Variants in NUP160 observed in about 807,000 individuals in gnomAD.
The protein encoded by NUP160 is nucleoporin 160, also known as nuclear pore complex protein Nup160.
A neutral mutation model predicts 196.9 loss-of-function variants in NUP160; 94 were observed. The observed-to-expected ratio is 0.48, with a 90% confidence interval of 0.40 to 0.57. The LOEUF (loss-of-function observed/expected upper bound fraction) is 0.57, where lower values mean the gene tolerates loss of function less well. Among genes scored for constraint, NUP160 ranks in the 20% least tolerant of loss-of-function variants. NUP160 has a pLI of 0.00. For missense variants in NUP160, 1,638 were observed against 1,748.3 expected, an observed-to-expected ratio of 0.94 and a Z score of 1.13; for synonymous variants, 605 against 619.7, an observed-to-expected ratio of 0.98 and a Z score of 0.35.
At chr11:47,838,436 C>T (rs1366863282) in intron 4 of NUP160, among the ~76,000 whole-genome samples, 9 of 152,030 alleles carry the variant, frequency 5.9e-5, no homozygotes, top group Admixed American at 2.6e-4. Context: ...GGCCAGGTGC[C>T]GTGGCTCACA....
At chr11:47,840,469 G>A (rs1852273554) in exon 3 of NUP160, 1 of 1,614,128 alleles carries the variant, frequency 6.2e-7, no homozygotes, top group East Asian at 2.2e-5. Context: ...CTGAGTCTCA[G>A]AGACATAAAC....
chr11:47,837,678 G>A (rs978451420), intron 4 of NUP160, 55 bp from the exon 5 acceptor site: 1 of 1,332,684 alleles, frequency 7.5e-7, no homozygotes, highest in African/African-American at 1.4e-5. Flanking sequence ...CCAAAGGCAA[G>A]AATGATGTAA....
In NUP160 at chr11:47,803,607, A is replaced by C. The variant is rs140083278; in HGVS notation, c.2677-71T>G. On this transcript the variant is annotated intron_variant, in intron 21 of 35. Coordinates refer to ENST00000378460, the Ensembl canonical transcript of NUP160. ...TTAAGGAGATACTCATTCCCAAGTT[A>C]TTCGTCACAGAGGATGAAAAGACAG... 2.4e-3 allele frequency: 2,011 copies of C among 834,420 alleles called. 4 individuals are homozygous for C. The highest frequency in any genetic ancestry group is 9.2e-3 in the Middle Eastern group (41 of 4,472). 51.7% of individuals were successfully genotyped at this position (834,420 alleles called of 1,614,324 possible). A position where few individuals can be genotyped will look rare whatever the true frequency, so the allele number is the denominator to read the frequency against.
rs539726032 is a variant in NUP160, at chr11:47,831,558, T to C, written c.1101+4093A>G. ...GAGAAAATTATGACAATGAAAGAGG[T>C]CTGGGCCAGGTGCAGTGGCTCACGC... is the stretch of plus-strand genomic sequence containing the variant. On this transcript the variant is annotated intron_variant, in intron 7 of 35. Transcript: ENST00000378460. Among the ~76,000 whole-genome samples the C allele has an allele frequency of 3.3e-5, 5 of 151,754 alleles. No individual in the cohort carries two copies. In the South Asian group the frequency reaches 1.0e-3, roughly 32 times the overall value.
intron 7 of NUP160, among the ~76,000 whole-genome samples, chr11:47,826,233 G>A (rs377036324): frequency 2.0e-5 from 3 of 152,098 alleles, no homozygotes; most frequent in African/African-American, 7.2e-5. Flanking sequence ...CATCAGCCCC[G>A]AGTAGCCGGA....
At chr11:47,790,095 G>A (rs1365142911) in intron 29 of NUP160, among the ~76,000 whole-genome samples, 2 of 151,750 alleles carry the variant, frequency 1.3e-5, no homozygotes, top group South Asian at 2.1e-4. Context: ...ACAGGAATGC[G>A]CCACCACGCC....
chr11:47,798,360 A>T lies in NUP160; in HGVS notation c.2991+8T>A. 1 of 1,598,616 alleles carries T rather than the reference A, an allele frequency of 6.3e-7. No individual in the cohort carries two copies. The highest frequency in any genetic ancestry group is 8.6e-7 in the Non-Finnish European group (1 of 1,166,190). On this transcript the variant is annotated splice_region_variant and intron_variant, in intron 24 of 35. Coordinates refer to ENST00000378460, the Ensembl canonical transcript of NUP160. ...AAAGAAAACAACCAAATTGCAGCCAATTCTTACCTGACTTTTCCAGTCATC... is the reference window on the plus strand; with the variant it reads ...AAAGAAAACAACCAAATTGCAGCCATTTCTTACCTGACTTTTCCAGTCATC...
chr11:47,829,263 C>T (rs897877637), intron 7 of NUP160, among the ~76,000 whole-genome samples: 33 of 152,098 alleles, frequency 2.2e-4, no homozygotes, highest in African/African-American at 6.5e-4. Flanking sequence ...GGTATATGGA[C>T]CACATATACA....
At chr11:47,782,300 AAAAAT>A (rs1303707230) in intron 34 of NUP160, among the ~76,000 whole-genome samples, 12 of 42,514 alleles carry the variant, frequency 2.8e-4, no homozygotes, top group East Asian at 5.5e-4. Flanking sequence ...AAAAAAAAAA[AAAAAT>A]ATATATATAT....
intron 17 of NUP160, among the ~76,000 whole-genome samples, chr11:47,810,708 C>T (rs6485784): frequency 0.3 from 46,132 of 151,548 alleles, 8,386 homozygotes; most frequent in African/African-American, 0.51. Context: ...CACCAGACCC[C>T]GCTAACTTTT....
chr11:47,836,793 T>G (rs1852183950), intron 6 of NUP160, 94 bp downstream of exon 6: 1 of 727,186 alleles, frequency 1.4e-6, no homozygotes, highest in Non-Finnish European at 2.4e-6. Flanking sequence ...AACCAATTGA[T>G]CTAATAATCT....
At chr11:47,814,410 C>T (rs928676887) in intron 13 of NUP160, among the ~76,000 whole-genome samples, 2 of 151,820 alleles carry the variant, frequency 1.3e-5, no homozygotes, top group Non-Finnish European at 2.9e-5. Context: ...GGTGTGGTGG[C>T]GCGTGCCTAT....
chr11:47,803,393 G>A (rs2097675527), intron 22 of NUP160, 45 bp downstream of exon 22: 2 of 1,164,766 alleles, frequency 1.7e-6, no homozygotes, highest in Admixed American at 1.7e-5. Context: ...CAACTTCCTT[G>A]CGTTAAAGTT....
intron 28 of NUP160, 128 bp from the exon 29 acceptor site, chr11:47,792,118 C>A (rs2097668218): frequency 4.8e-6 from 3 of 631,212 alleles, no homozygotes; most frequent in Non-Finnish European, 8.2e-6. Context: ...ACCAGCAGAG[C>A]TCTTCTTACA....
intron 21 of NUP160, 92 bp downstream of exon 21, chr11:47,804,457 T>C: frequency 1.2e-6 from 1 of 802,932 alleles, no homozygotes; most frequent in African/African-American, 1.8e-5. Context: ...ATTGTGGTTC[T>C]TTAAAATGCA....
At chr11:47,802,184 G>A (rs1240001990) in intron 22 of NUP160, among the ~76,000 whole-genome samples, 1 of 152,092 alleles carries the variant, frequency 6.6e-6, no homozygotes, top group African/African-American at 2.4e-5. Flanking sequence ...TGTAATCCCA[G>A]CACTTCGGGA....
chr11:47,792,621 T>A (rs2097668506), intron 28 of NUP160, 165 bp downstream of exon 28: 1 of 662,112 alleles, frequency 1.5e-6, no homozygotes, highest in Admixed American at 2.8e-5. Flanking sequence ...GGGGTAGTAA[T>A]ATACAACAAT....
chr11:47,808,363 T>C (rs769737200), intron 18 of NUP160, 33 bp downstream of exon 18: 1 of 1,580,114 alleles, frequency 6.3e-7, no homozygotes, highest in Non-Finnish European at 8.6e-7. Context: ...ACTCACAATT[T>C]ACATTTTAAA....
intron 19 of NUP160, among the ~76,000 whole-genome samples, chr11:47,806,852 C>CACACACACACACACACAT (rs1428564239): frequency 1.6e-5 from 2 of 124,252 alleles, no homozygotes; most frequent in African/African-American, 6.3e-5. Context: ...CACACACACA[C>CACACACACACACACACAT]ATATATATAC....
Sources: gnomAD v4.1 joint callset for allele counts (sites outside exome capture counted in the v4.1 genomes callset) on GRCh38, gnomAD v4.1.1 for gene constraint, MANE v1.5 for transcripts, NCBI Gene and HGNC (gene_info 2026-07-23, HGNC 2026-07-21) for gene names.